The following IQCE variants were observed in gnomAD, a reference collection of about 807,000 sequenced individuals.
The protein encoded by IQCE is IQ domain-containing protein E.
IQCE carries 115 observed loss-of-function variants against 96.0 expected under a neutral mutation model. The ratio of observed to expected loss-of-function variants is 1.20; its 90% confidence interval spans 1.03 to 1.40. IQCE has a LOEUF of 1.40. Ranked by LOEUF, IQCE falls within the 40% of genes most tolerant of loss-of-function variation. IQCE has a pLI of 0.00. For synonymous variants in IQCE, 412 were observed against 371.2 expected, an observed-to-expected ratio of 1.11 and a Z score of -1.26; for missense variants, 1,041 against 909.1, an observed-to-expected ratio of 1.15 and a Z score of -1.87.
intron 16 of IQCE, chr7:2,596,837 T>C (rs1036418124): frequency 5.0e-6 from 2 of 403,628 alleles, no homozygotes; most frequent in Non-Finnish European, 1.0e-5. Context: ...TTCTTAGGGT[T>C]ACAAAATCAG....
At chr7:2,602,027 G>A (rs993436270) in intron 18 of IQCE, 4 of 157,344 alleles carry the variant, frequency 2.5e-5, no homozygotes, top group African/African-American at 9.6e-5. Flanking sequence ...CCCTGCGTGG[G>A]GCAGTCTCAG....
rs1583467582 is a variant in IQCE at position 2,590,086 on chromosome 7, G to A, written c.1224G>A (p.Gln408=). Residue 408 remains glutamine, a synonymous_variant, in exon 14 of 22, where the codon CAG becomes CAA. Coordinates refer to ENST00000402050, the MANE Select transcript of IQCE (RefSeq NM_152558.5). ...RDLKEERTAL[Q]EQLLQRDLEV... is the part of the protein sequence containing the mutation. Reference sequence around the variant, plus strand: ...TGAAGGAAGAGCGGACCGCGCTGCAGGAGCAGCTGCTGCAGAGAGAGTAGG... The same window carrying A: ...TGAAGGAAGAGCGGACCGCGCTGCAAGAGCAGCTGCTGCAGAGAGAGTAGG... 1 of 1,612,816 alleles carries A rather than the reference G, an allele frequency of 6.2e-7. No homozygotes were observed. Among genetic ancestry groups the A allele is most frequent in the African/African-American group, 1.3e-5 (1 of 75,034 alleles).
At chr7:2,578,032 G>C (rs1782322135) in intron 6 of IQCE, among the ~76,000 whole-genome samples, 2 of 147,526 alleles carry the variant, frequency 1.4e-5, no homozygotes, top group Non-Finnish European at 3.0e-5. Flanking sequence ...GGGGACGTGT[G>C]TGCGGCGTGT....
rs3832483 is a variant in IQCE at position 2,610,875 on chromosome 7, T to TATAATC, written c.*714_*715insTAATCA. 61,456 of 151,906 alleles carry TATAATC rather than the reference T, an allele frequency of 0.4. 12,908 individuals are homozygous for TATAATC. The highest frequency in any genetic ancestry group is 0.51 in the East Asian group (2,613 of 5,140). The allele number at this position is 151,906 out of a possible 1,614,324, so 9.4% of individuals were successfully genotyped here. A position where few individuals can be genotyped will look rare whatever the true frequency, so the allele number is the denominator to read the frequency against. ...ACCAAGATTTTTTAAAATTCCCAAT[T>TATAATC]ACAAAAGCAGCATCACACTTGCTTC... On this transcript the variant is annotated 3_prime_UTR_variant, in exon 22 of 22. Coordinates refer to ENST00000402050, the MANE Select transcript of IQCE (RefSeq NM_152558.5).
At chr7:2,602,439 C>T (rs1784496925) in intron 18 of IQCE, among the ~76,000 whole-genome samples, 1 of 152,190 alleles carries the variant, frequency 6.6e-6, no homozygotes, top group African/African-American at 2.4e-5. Flanking sequence ...CCTTCAGGGA[C>T]AGCAGTGTAT....
chr7:2,573,513 T>C, intron 6 of IQCE, 25 bp downstream of exon 6: 1 of 1,273,166 alleles, frequency 7.9e-7, no homozygotes, highest in Non-Finnish European at 1.1e-6. Flanking sequence ...TGTTCTCTAT[T>C]GATTTGAAAC....
At chr7:2,571,409 G>T in intron 3 of IQCE, 117 bp from the exon 4 acceptor site, 3 of 1,296,888 alleles carry the variant, frequency 2.3e-6, no homozygotes, top group Non-Finnish European at 3.3e-6. Context: ...CAGAATGTTT[G>T]ACTAGAGTCA....
chr7:2,568,930 T>A (rs1481937565), intron 2 of IQCE, 24 bp from the exon 3 acceptor site: 2 of 1,608,828 alleles, frequency 1.2e-6, no homozygotes, highest in Non-Finnish European at 1.7e-6. Context: ...CAGCAAGCCT[T>A]ATGCCATTTC....
intron 13 of IQCE, among the ~76,000 whole-genome samples, chr7:2,588,654 GTTT>G (rs370704456): frequency 2.4e-4 from 12 of 49,758 alleles, no homozygotes; most frequent in South Asian, 7.2e-4. Context: ...TGCCTGGCTG[GTTT>G]TTTTTTTTTT....
chr7:2,605,179 C>T (rs1453701581), intron 19 of IQCE, among the ~76,000 whole-genome samples, 188 bp downstream of exon 19: 3 of 152,224 alleles, frequency 2.0e-5, no homozygotes, highest in African/African-American at 7.2e-5. Context: ...TCTGCACAGG[C>T]CCCGGATGGA....
chr7:2,604,824 C>A, intron 18 of IQCE, 57 bp from the exon 19 acceptor site: 1 of 1,305,868 alleles, frequency 7.7e-7, no homozygotes, highest in Non-Finnish European at 1.1e-6. Context: ...CCCTCTCGCC[C>A]GCCGTTGCCC....
chr7:2,590,110 G>A lies in IQCE; in HGVS notation c.1244+4G>A. ...AGGAGCAGCTGCTGCAGAGAGAGTA[G>A]GTCCTCCCAAGGCCCCGCCAGTGTC... On this transcript the variant is annotated splice_donor_region_variant and intron_variant, in intron 14 of 21. Coordinates refer to ENST00000402050, the MANE Select transcript of IQCE (RefSeq NM_152558.5). 1 of 1,608,954 alleles carries A rather than the reference G, an allele frequency of 6.2e-7. No homozygotes were observed. The highest frequency in any genetic ancestry group is 8.5e-7 in the Non-Finnish European group (1 of 1,177,248).
chr7:2,583,857 C>T (rs1393132689), intron 10 of IQCE, 148 bp downstream of exon 10: 1 of 81,226 alleles, frequency 1.2e-5, no homozygotes, highest in Admixed American at 1.2e-4. Context: ...GGGCGGAGGG[C>T]GGGCACCGTG....
At chr7:2,586,758 C>T (rs1322245127) in intron 12 of IQCE, among the ~76,000 whole-genome samples, 2 of 152,110 alleles carry the variant, frequency 1.3e-5, no homozygotes, top group Admixed American at 6.5e-5. Context: ...GACAGCTGAG[C>T]GGGACCTGGA....
intron 1 of IQCE, 28 bp from the exon 2 acceptor site, chr7:2,567,088 G>C (rs766809187): frequency 1.2e-6 from 2 of 1,608,990 alleles, no homozygotes; most frequent in Non-Finnish European, 1.7e-6. Context: ...GTGCCGTCGA[G>C]TTACAGTGTT....
intron 8 of IQCE, among the ~76,000 whole-genome samples, chr7:2,579,230 C>T (rs1264904864): frequency 1.3e-5 from 2 of 152,122 alleles, no homozygotes; most frequent in East Asian, 1.9e-4. Context: ...TGGCACAGTA[C>T]ACCTCCTAGC....
At chr7:2,566,082 A>G (rs1781349976) in intron 1 of IQCE, among the ~76,000 whole-genome samples, 1 of 152,214 alleles carries the variant, frequency 6.6e-6, no homozygotes, top group Non-Finnish European at 1.5e-5. Flanking sequence ...CAGCTATACC[A>G]GGGACAGGTA....
chr7:2,578,435 A>AT (rs1782382390), intron 7 of IQCE, 41 bp from the exon 8 acceptor site: 1 of 1,467,674 alleles, frequency 6.8e-7, no homozygotes, highest in Non-Finnish European at 9.5e-7. Flanking sequence ...GCTGGGGGCT[A>AT]CACCGAAGGC....
rs531298711 is a variant in IQCE, at chr7:2,614,358, G to C, written c.*4196G>C. On this transcript the variant is annotated 3_prime_UTR_variant, in exon 22 of 22. Transcript: ENST00000402050. The stretch of plus-strand genomic sequence containing the variant: ...CGTGGCTCGGATTCTCTGAGGACCA[G>C]GGAGTTGACACACAAACCCCGCCAT... 2 of 152,362 alleles carry C rather than the reference G, an allele frequency of 1.3e-5. No individual in the cohort carries two copies. Among genetic ancestry groups the C allele is most frequent in the African/African-American group, 2.4e-5 (1 of 41,578 alleles). The allele number at this position is 152,362 out of a possible 1,614,324, so 9.4% of individuals were successfully genotyped here.
Sources: gnomAD v4.1 joint callset for allele counts (sites outside exome capture counted in the v4.1 genomes callset) on GRCh38, gnomAD v4.1.1 for gene constraint, MANE v1.5 for transcripts, NCBI Gene and HGNC (gene_info 2026-07-23, HGNC 2026-07-21) for gene names.